The following AUTS2 variants were observed in gnomAD, a reference collection of about 807,000 sequenced individuals.
AUTS2 encodes autism susceptibility gene 2 protein.
AUTS2 carries 17 observed loss-of-function variants against 112.4 expected under a neutral mutation model. The observed-to-expected ratio is 0.15, with a 90% CI of 0.10 to 0.23. The LOEUF (loss-of-function observed/expected upper bound fraction) is 0.23. Ranked by LOEUF, AUTS2 falls within the 10% of genes least tolerant of loss-of-function variation. The probability of loss-of-function intolerance (pLI) is 1.00; values close to 1 mark genes in which losing one functional copy is unlikely to be tolerated. For missense variants in AUTS2, 1,510 were observed against 1,701.6 expected (o/e 0.89, Z 1.98); for synonymous variants, 751 against 702.7 (o/e 1.07, Z -1.09).
At chr7:69,850,331 G>A (rs1347423200) in intron 1 of AUTS2, among the ~76,000 whole-genome samples, 1 of 140,218 alleles carries the variant, frequency 7.1e-6, no homozygotes, top group Non-Finnish European at 1.5e-5. Flanking sequence ...AAAAAAACCC[G>A]GAGGTTGCAG....
chr7:70,540,387 C>A (rs1800504980), intron 5 of AUTS2, among the ~76,000 whole-genome samples: 1 of 152,104 alleles, frequency 6.6e-6, no homozygotes, highest in Non-Finnish European at 1.5e-5. Context: ...GCTCTCTTAC[C>A]CAGCAGTGCC....
intron 5 of AUTS2, among the ~76,000 whole-genome samples, chr7:70,535,746 G>A (rs1031779733): frequency 2.6e-5 from 4 of 152,168 alleles, no homozygotes; most frequent in Non-Finnish European, 4.4e-5. Flanking sequence ...CTTGGTTATA[G>A]GCCAGTGGTG....
intron 1 of AUTS2, among the ~76,000 whole-genome samples, chr7:69,689,391 C>T (rs1584075820): frequency 7.4e-6 from 1 of 134,810 alleles, no homozygotes; most frequent in Non-Finnish European, 1.5e-5. Flanking sequence ...CTCTCTGTCG[C>T]CTAGGCTGGA....
chr7:70,023,411 A>G (rs370007444), intron 2 of AUTS2, among the ~76,000 whole-genome samples: 6 of 152,238 alleles, frequency 3.9e-5, no homozygotes, highest in Middle Eastern at 3.4e-3. Context: ...GCTACTCTAT[A>G]TAATTTTGTG....
chr7:70,636,548 C>G (rs975610577), intron 5 of AUTS2, among the ~76,000 whole-genome samples: 1 of 152,106 alleles, frequency 6.6e-6, no homozygotes, highest in Non-Finnish European at 1.5e-5. Context: ...AAACACGGAA[C>G]TTTTTTGAGC....
intron 1 of AUTS2, among the ~76,000 whole-genome samples, chr7:69,717,798 T>G (rs1798698298): frequency 6.6e-6 from 1 of 152,142 alleles, no homozygotes; most frequent in Admixed American, 6.5e-5. Flanking sequence ...ACACCCCCAA[T>G]ATATGCAGTG....
chr7:69,862,245 T>C (rs1315512846), intron 1 of AUTS2, among the ~76,000 whole-genome samples: 1 of 152,202 alleles, frequency 6.6e-6, no homozygotes, highest in East Asian at 1.9e-4. Flanking sequence ...TCATGACTCA[T>C]GCAGATATAA....
At chr7:69,716,953 C>G (rs1024848253) in intron 1 of AUTS2, among the ~76,000 whole-genome samples, 2 of 152,140 alleles carry the variant, frequency 1.3e-5, no homozygotes, top group Non-Finnish European at 2.9e-5. Flanking sequence ...ACTTCTATGC[C>G]TTCCGTGGAC....
chr7:70,281,676 C>T (rs531911155), intron 4 of AUTS2, among the ~76,000 whole-genome samples: 54 of 151,530 alleles, frequency 3.6e-4, no homozygotes, highest in African/African-American at 1.2e-3. Flanking sequence ...AATGTACTTA[C>T]TTGTTGTAAA....
chr7:69,963,729 G>T (rs1797522805), intron 2 of AUTS2, among the ~76,000 whole-genome samples: 1 of 152,140 alleles, frequency 6.6e-6, no homozygotes, highest in Non-Finnish European at 1.5e-5. Context: ...TCCGTTTACA[G>T]ATGGGGAACT....
chr7:69,946,557 TACAC>T (rs57891742), intron 2 of AUTS2, among the ~76,000 whole-genome samples: 7,983 of 143,852 alleles, frequency 0.055, 269 homozygotes, highest in African/African-American at 0.093. Context: ...TGTGATGTGA[TACAC>T]ACACACACAC....
chr7:70,418,100 T>TGTGTGG (rs1042615216), intron 4 of AUTS2, among the ~76,000 whole-genome samples: 1 of 148,362 alleles, frequency 6.7e-6, no homozygotes, highest in African/African-American at 2.5e-5. Flanking sequence ...TGTGTGTGTG[T>TGTGTGG]GTGTGTGTGT....
In AUTS2 at chr7:70,789,818, C is replaced by G; in HGVS notation, c.2602C>G (p.His868Asp). The part of the protein sequence containing the change: ...APVLPVNALG[H>D]TRSSTEQIRA... ...TGTCCTCCCGGTGAATGCCCTGGGA[C>G]ATACCCGCAGCTCCACTGAACAGAT... The change falls in exon 19 of 19, where the codon CAT becomes GAT. Residue 868 changes from histidine to aspartate, a missense_variant. Transcript: ENST00000342771. 3 of 1,614,182 alleles carry G rather than the reference C, an allele frequency of 1.9e-6. No homozygotes were observed. The South Asian group carries it at 3.3e-5, about 18-fold the overall frequency.
chr7:70,303,417 C>T (rs1213482827), intron 4 of AUTS2, among the ~76,000 whole-genome samples: 2 of 137,836 alleles, frequency 1.5e-5, no homozygotes, highest in African/African-American at 5.8e-5. Context: ...TGCACGCACA[C>T]ACACACGCGC....
At chr7:70,318,760 C>G (rs1790117267) in intron 4 of AUTS2, among the ~76,000 whole-genome samples, 1 of 152,172 alleles carries the variant, frequency 6.6e-6, no homozygotes, top group South Asian at 2.1e-4. Flanking sequence ...CACTGTATAG[C>G]TCTGCCAGGA....
At chr7:70,647,246 C>T (rs1585433541) in intron 5 of AUTS2, among the ~76,000 whole-genome samples, 1 of 152,296 alleles carries the variant, frequency 6.6e-6, no homozygotes, top group Middle Eastern at 3.4e-3. Context: ...TTTTTCCTCT[C>T]ATTCTTATCC....
At chr7:70,589,091 G>T (rs1210225184) in intron 5 of AUTS2, among the ~76,000 whole-genome samples, 2 of 152,214 alleles carry the variant, frequency 1.3e-5, no homozygotes, top group Non-Finnish European at 2.9e-5. Flanking sequence ...TACAGAGGCA[G>T]CAACCGTAAA....
chr7:69,805,903 G>GT (rs144774940), intron 1 of AUTS2, among the ~76,000 whole-genome samples: 15,276 of 151,922 alleles, frequency 0.1, 1,230 homozygotes, highest in African/African-American at 0.22. Flanking sequence ...TTTAATTTTT[G>GT]TTTTTTGTTT....
rs557099651 is a variant in AUTS2 at position 70,163,977 on chromosome 7, A to G, written c.660+29406A>G. Among the ~76,000 whole-genome samples the G allele has an allele frequency of 2.0e-4, 31 of 152,314 alleles. No individual in the cohort carries two copies. The South Asian group carries it at 6.2e-3, about 31-fold the overall frequency. Reference sequence around the variant, plus strand: ...AACAAAGAAACAGTAACAGGCTTGCAGTCTACTGCTAGAGGAGTGGCAAGA... The same window carrying G: ...AACAAAGAAACAGTAACAGGCTTGCGGTCTACTGCTAGAGGAGTGGCAAGA... On this transcript the variant is annotated intron_variant, in intron 4 of 18. Coordinates refer to ENST00000342771, the MANE Select transcript of AUTS2 (RefSeq NM_015570.4).
Sources: gnomAD v4.1 joint callset for allele counts (sites outside exome capture counted in the v4.1 genomes callset) on GRCh38, gnomAD v4.1.1 for gene constraint, MANE v1.5 for transcripts, NCBI Gene and HGNC (gene_info 2026-07-23, HGNC 2026-07-21) for gene names.